The following TRPC7 variants were observed in gnomAD, a reference collection of about 807,000 sequenced individuals.
TRPC7 encodes the protein short transient receptor potential channel 7.
Under a neutral mutation model 90.1 loss-of-function variants are expected in TRPC7, and 42 were observed. That is an observed-to-expected ratio of 0.47 (90% CI 0.36 to 0.60). The LOEUF (loss-of-function observed/expected upper bound fraction) is 0.60. Among genes scored for constraint, TRPC7 ranks in the 20% least tolerant of loss-of-function variants. The pLI is 0.00. For synonymous variants in TRPC7, 451 were observed against 436.3 expected, an observed-to-expected ratio of 1.03 and a Z score of -0.42; for missense variants, 955 against 1,112.3, an observed-to-expected ratio of 0.86 and a Z score of 2.01.
At position 136,313,914 on chromosome 5, in the gene TRPC7, C is replaced by A. The variant is rs530566623; in HGVS notation, c.963+1683G>T. Among the ~76,000 whole-genome samples the A allele has an allele frequency of 7.2e-5, 11 of 152,260 alleles. 1 individual carries two copies. The South Asian group carries it at 2.3e-3, about 32-fold the overall frequency. On this transcript the variant is annotated intron_variant, in intron 3 of 11. Coordinates refer to ENST00000513104, the MANE Select transcript of TRPC7 (RefSeq NM_020389.3). ...TCTTCCTTCTCATTCATCCCCAGGG[C>A]CATTTTGAACTTGGTAATTGACAAA...
intron 3 of TRPC7, among the ~76,000 whole-genome samples, chr5:136,288,503 C>T (rs1248118434): frequency 6.7e-6 from 1 of 150,102 alleles, no homozygotes; most frequent in Non-Finnish European, 1.5e-5. Context: ...CTAACTAGTG[C>T]CGGCTATGGA....
In TRPC7 at chr5:136,336,580, T is replaced by A. The variant is rs190835147; in HGVS notation, c.780+20028A>T. On this transcript the variant is annotated intron_variant, in intron 2 of 11. Coordinates refer to ENST00000513104, the MANE Select transcript of TRPC7 (RefSeq NM_020389.3). Reference sequence around the variant, plus strand: ...AACGTGCAGGTTTGTTACATATGTATACATGTGCCACGTTGGTTTGCTGCA... The same window carrying A: ...AACGTGCAGGTTTGTTACATATGTAAACATGTGCCACGTTGGTTTGCTGCA... 5.3e-5 allele frequency among the ~76,000 whole-genome samples: 8 copies of A among 152,174 alleles called. No individual in the cohort carries two copies. The East Asian group carries it at 1.5e-3, about 29-fold the overall frequency.
At chr5:136,282,652 C>G (rs1757583439) in intron 3 of TRPC7, among the ~76,000 whole-genome samples, 1 of 152,116 alleles carries the variant, frequency 6.6e-6, no homozygotes, top group African/African-American at 2.4e-5. Flanking sequence ...TATAAATATT[C>G]TTAATACCAG....
At chr5:136,298,286 G>A (rs1273353871) in intron 3 of TRPC7, among the ~76,000 whole-genome samples, 1 of 152,140 alleles carries the variant, frequency 6.6e-6, no homozygotes, top group African/African-American at 2.4e-5. Flanking sequence ...TAACTTCCCT[G>A]GGCGGGAACT....
At chr5:136,362,206 A>T (rs368434188) in intron 1 of TRPC7, among the ~76,000 whole-genome samples, 2 of 152,178 alleles carry the variant, frequency 1.3e-5, no homozygotes, top group Non-Finnish European at 2.9e-5. Context: ...TTATCTTCTG[A>T]TAAGGTTAGC....
intron 4 of TRPC7, 54 bp from the exon 5 acceptor site, chr5:136,266,490 T>C (rs1757037527): frequency 6.7e-7 from 1 of 1,486,246 alleles, no homozygotes; most frequent in Admixed American, 1.9e-5. Flanking sequence ...TGGATGTAGG[T>C]CTTTCTTTAT....
intron 10 of TRPC7, among the ~76,000 whole-genome samples, chr5:136,218,017 C>CA (rs546867748): frequency 2.2e-3 from 133 of 59,980 alleles, no homozygotes; most frequent in South Asian, 5.0e-3. Flanking sequence ...GACTCTAATT[C>CA]AAAAAAAAAA....
intron 3 of TRPC7, among the ~76,000 whole-genome samples, chr5:136,293,123 A>C (rs1450367024): frequency 6.6e-6 from 1 of 152,230 alleles, no homozygotes; most frequent in African/African-American, 2.4e-5. Flanking sequence ...TCAATAAATT[A>C]GGTATTGATG....
intron 2 of TRPC7, among the ~76,000 whole-genome samples, chr5:136,352,506 CAGG>C (rs1351217726): frequency 1.3e-5 from 2 of 151,952 alleles, no homozygotes; most frequent in African/African-American, 4.8e-5. Context: ...CAGATTAATT[CAGG>C]AGAGCTTCAG....
intron 2 of TRPC7, among the ~76,000 whole-genome samples, chr5:136,353,746 A>C (rs1163531462): frequency 6.6e-6 from 1 of 152,228 alleles, no homozygotes; most frequent in South Asian, 2.1e-4. Flanking sequence ...GGTGGATGTT[A>C]ACAGCAAGCA....
rs1348438428 is a variant in TRPC7, at chr5:136,251,578, G to T, written c.1579+71C>A. On this transcript the variant is annotated intron_variant, in intron 6 of 11. Coordinates refer to ENST00000513104, the MANE Select transcript of TRPC7 (RefSeq NM_020389.3). The stretch of plus-strand genomic sequence containing the variant: ...TACAAATAGCGTTACAAGTTCACCA[G>T]CCACAGTGAAGCACCAGGCCCACGT... 4 of 1,235,866 alleles carry T rather than the reference G, an allele frequency of 3.2e-6. No individual in the cohort carries two copies. The African/African-American group carries it at 4.5e-5, about 14-fold the overall frequency. The allele number at this position is 1,235,866 out of a possible 1,614,324, so 76.6% of individuals were successfully genotyped here. A position where few individuals can be genotyped will look rare whatever the true frequency, so the allele number is the denominator to read the frequency against.
In TRPC7 at chr5:136,301,657, C is replaced by G. The variant is rs994116926; in HGVS notation, c.963+13940G>C. Among the ~76,000 whole-genome samples the G allele has an allele frequency of 6.6e-5, 10 of 152,122 alleles. 1 individual carries two copies. The highest frequency in any genetic ancestry group is 5.2e-4 in the Admixed American group (8 of 15,280). On this transcript the variant is annotated intron_variant, in intron 3 of 11. Coordinates refer to ENST00000513104, the MANE Select transcript of TRPC7 (RefSeq NM_020389.3). ...GTACTTTGTGAGATCCACCCCTGCC[C>G]GCAAAACATTGCTCTTAACTTCACC... is the stretch of plus-strand genomic sequence containing the variant.
chr5:136,252,880 G>A (rs532706732), intron 5 of TRPC7, among the ~76,000 whole-genome samples: 79 of 152,340 alleles, frequency 5.2e-4, no homozygotes, highest in African/African-American at 1.9e-3. Context: ...ACCAGTTGGC[G>A]GCCCAGGGGT....
chr5:136,310,219 C>T (rs1331995609), intron 3 of TRPC7, among the ~76,000 whole-genome samples: 1 of 152,166 alleles, frequency 6.6e-6, no homozygotes, highest in Non-Finnish European at 1.5e-5. Flanking sequence ...AATGCCCTCC[C>T]CACCTCAGAG....
At chr5:136,317,107 A>G (rs1580947177) in intron 2 of TRPC7, among the ~76,000 whole-genome samples, 1 of 152,184 alleles carries the variant, frequency 6.6e-6, no homozygotes, top group East Asian at 1.9e-4. Context: ...AGGTGAGAGT[A>G]GCTGTCCTTC....
intron 3 of TRPC7, chr5:136,303,634 A>T (rs1758488261): frequency 6.6e-6 from 1 of 151,872 alleles, no homozygotes; most frequent in Non-Finnish European, 1.5e-5. Context: ...ACAGCCCGGG[A>T]TTCCTCCTAA....
intron 5 of TRPC7, among the ~76,000 whole-genome samples, chr5:136,265,923 T>C (rs778500146): frequency 6.6e-6 from 1 of 152,286 alleles, no homozygotes; most frequent in Non-Finnish European, 1.5e-5. Flanking sequence ...ATGATCAAAA[T>C]AATATGTTTC....
chr5:136,303,665 G>A (rs559566133), intron 3 of TRPC7: 2 of 152,102 alleles, frequency 1.3e-5, no homozygotes, highest in African/African-American at 4.8e-5. Context: ...ATCTGTGTGG[G>A]ACCCCACTGA....
chr5:136,228,646 A>T (rs1757517545), intron 8 of TRPC7, among the ~76,000 whole-genome samples: 1 of 151,802 alleles, frequency 6.6e-6, no homozygotes, highest in South Asian at 2.1e-4. Flanking sequence ...GGGGGAGTTG[A>T]ATGGAGAGGC....
Sources: allele counts gnomAD v4.1 joint callset (sites outside exome capture counted in the v4.1 genomes callset), GRCh38; gene constraint gnomAD v4.1.1; transcripts MANE v1.5; gene names NCBI Gene and HGNC (gene_info 2026-07-23, HGNC 2026-07-21).